HS6ST2: variants seen among roughly 807,000 people sequenced by gnomAD.
HS6ST2 encodes heparan sulfate 6-O-sulfotransferase 2.
Under a neutral mutation model 33.0 loss-of-function variants are expected in HS6ST2, and 17 were observed. The ratio of observed to expected loss-of-function variants is 0.52; its 90% CI spans 0.35 to 0.77. The LOEUF is 0.77. Ranked by LOEUF, HS6ST2 falls within the 30% of genes least tolerant of loss-of-function variation. The pLI, the probability that HS6ST2 is intolerant of heterozygous loss-of-function variation, is 0.01. For missense variants in HS6ST2, 519 were observed against 551.7 expected, an observed-to-expected ratio of 0.94 and a Z score of 0.59; for synonymous variants, 248 against 237.1, an observed-to-expected ratio of 1.05 and a Z score of -0.42.
rs60459374 is a variant in HS6ST2, at chrX:132,709,812, A to AACAC, written c.948-1322_948-1319dup. On this transcript the variant is annotated intron_variant, in intron 2 of 4. Transcript: ENST00000370833. ...AACACAACTTTGGGTGAAAAGACAA[A>AACAC]ACACACACACACACACACACACACA... Among the ~76,000 whole-genome samples the AACAC allele has an allele frequency of 3.9e-3, 360 of 92,190 alleles. 3 individuals carry two copies. The highest frequency in any genetic ancestry group is 0.012 in the Middle Eastern group (2 of 173). 80.1% of individuals were successfully genotyped at this position (92,190 alleles called of 115,157 possible). A position where few individuals can be genotyped will look rare whatever the true frequency, so the allele number is the denominator to read the frequency against.
intron 2 of HS6ST2, among the ~76,000 whole-genome samples, chrX:132,894,123 G>GTT (rs766095383): frequency 8.6e-5 from 8 of 93,149 alleles, no homozygotes; most frequent in African/African-American, 1.2e-4. Flanking sequence ...TGGGTTTCAG[G>GTT]TTTTTTTTTT....
chrX:132,629,148 T>A, intron 4 of HS6ST2, 55 bp from the exon 5 acceptor site: 1 of 1,121,291 alleles, frequency 8.9e-7, no homozygotes. Flanking sequence ...ATAAGTGGAG[T>A]CATGGAGGTA....
intron 2 of HS6ST2, among the ~76,000 whole-genome samples, chrX:132,895,236 G>A (rs1028703539): frequency 1.8e-5 from 2 of 111,641 alleles, no homozygotes; most frequent in East Asian, 2.8e-4. Flanking sequence ...AAGTGTGTTC[G>A]TTAATCTTAC....
At chrX:132,842,680 G>A (rs1437488849) in intron 2 of HS6ST2, among the ~76,000 whole-genome samples, 2 of 111,428 alleles carry the variant, frequency 1.8e-5, no homozygotes, top group African/African-American at 6.5e-5. Context: ...TACTCTCACT[G>A]GTCATCAGTG....
chrX:132,647,041 C>T (rs1306197323), intron 4 of HS6ST2, among the ~76,000 whole-genome samples: 2 of 111,463 alleles, frequency 1.8e-5, no homozygotes, highest in East Asian at 2.8e-4. Flanking sequence ...TTGGGAGCTA[C>T]AATTCAAGAT....
chrX:132,767,719 T>C (rs1459645390), intron 2 of HS6ST2, among the ~76,000 whole-genome samples: 1 of 111,305 alleles, frequency 9.0e-6, no homozygotes, highest in Non-Finnish European at 1.9e-5. Flanking sequence ...TCAACTGCCC[T>C]TTATTGTGCC....
At chrX:132,722,376 A>G (rs997871380) in intron 2 of HS6ST2, among the ~76,000 whole-genome samples, 2 of 111,668 alleles carry the variant, frequency 1.8e-5, no homozygotes, top group African/African-American at 6.5e-5. Context: ...ATAATTTACT[A>G]TTGCAAAGTT....
chrX:132,631,215 A>C (rs1238221740), intron 4 of HS6ST2, among the ~76,000 whole-genome samples: 2 of 111,660 alleles, frequency 1.8e-5, no homozygotes, highest in African/African-American at 6.5e-5. Flanking sequence ...ACTCTGGATA[A>C]TCTTCTAAGT....
At chrX:132,795,850 C>A (rs1322523613) in intron 2 of HS6ST2, among the ~76,000 whole-genome samples, 1 of 111,663 alleles carries the variant, frequency 9.0e-6, no homozygotes, top group African/African-American at 3.3e-5. Flanking sequence ...CTCAAGCAAT[C>A]CGCCCACCTT....
intron 1 of HS6ST2, among the ~76,000 whole-genome samples, chrX:132,957,560 CT>C (rs1164378899): frequency 9.1e-6 from 1 of 110,318 alleles, no homozygotes; most frequent in African/African-American, 3.3e-5. Flanking sequence ...ACCCCGACTC[CT>C]TCCCGCGGGC....
At chrX:132,951,334 A>G (rs2067013714) in intron 2 of HS6ST2, among the ~76,000 whole-genome samples, 3 of 110,759 alleles carry the variant, frequency 2.7e-5, no homozygotes. Context: ...CCAAGCATGA[A>G]CCTTTCGGGT....
chrX:132,639,102 A>G (rs1302874724), intron 4 of HS6ST2, among the ~76,000 whole-genome samples: 4 of 112,496 alleles, frequency 3.6e-5, no homozygotes, highest in Non-Finnish European at 5.6e-5. Flanking sequence ...AAAATAAAGA[A>G]GATTTCTAAT....
At chrX:132,828,827 A>C (rs2065556887) in intron 2 of HS6ST2, among the ~76,000 whole-genome samples, 1 of 102,560 alleles carries the variant, frequency 9.8e-6, no homozygotes. Flanking sequence ...TATGCTGTAC[A>C]TATATTTATA....
chrX:132,728,948 C>T (rs924850747), intron 2 of HS6ST2, among the ~76,000 whole-genome samples: 2 of 112,725 alleles, frequency 1.8e-5, no homozygotes, highest in African/African-American at 3.2e-5. Context: ...AATATTGAAT[C>T]CCCTCCACCT....
intron 2 of HS6ST2, among the ~76,000 whole-genome samples, chrX:132,732,469 C>T (rs761326543): frequency 9.0e-6 from 1 of 111,649 alleles, no homozygotes; most frequent in Admixed American, 9.5e-5. Context: ...TGCTTGATAC[C>T]GTTTGGCCGT....
rs138624506 is a variant in HS6ST2 at position 132,774,883 on chromosome X, G to A, written c.948-66389C>T. Among the ~76,000 whole-genome samples the A allele has an allele frequency of 1.4e-3, 151 of 110,492 alleles. 2 individuals are homozygous for A. The South Asian group carries it at 0.032, about 23-fold the overall frequency. ...TTTAGTAGAGATGGGGTTTCACCAT[G>A]TTGGCCAGGCTGGTCTCGAGCTTCT... On this transcript the variant is annotated intron_variant, in intron 2 of 4. Transcript: ENST00000370833.
At chrX:132,867,332 A>G (rs2065999214) in intron 2 of HS6ST2, among the ~76,000 whole-genome samples, 1 of 107,545 alleles carries the variant, frequency 9.3e-6, no homozygotes, top group African/African-American at 3.5e-5. Context: ...GATGAAGCCC[A>G]CTTGATCATG....
At position 132,749,072 on chromosome X, in the gene HS6ST2, C is replaced by A. The variant is rs1393132538; in HGVS notation, c.948-40578G>T. ...CTCCTCGCTTGGAATAGCCTTCCCA[C>A]CTGACCCAGCTCAAATATCACCTCC... is the stretch of plus-strand genomic sequence containing the variant. On this transcript the variant is annotated intron_variant, in intron 2 of 4. Coordinates refer to ENST00000370833, the MANE Select transcript of HS6ST2 (RefSeq NM_001394073.1). Among the ~76,000 whole-genome samples the A allele has an allele frequency of 2.7e-4, 30 of 112,093 alleles. No homozygotes were observed. In the Admixed American group the frequency reaches 2.8e-3, roughly 11 times the overall value.
At chrX:132,670,776 G>T (rs1443121609) in intron 3 of HS6ST2, among the ~76,000 whole-genome samples, 15 of 112,534 alleles carry the variant, frequency 1.3e-4, no homozygotes, top group Non-Finnish European at 2.6e-4. Context: ...TTGTGCGATT[G>T]CACTCCAGCC....
Sources: allele counts gnomAD v4.1 joint callset (sites outside exome capture counted in the v4.1 genomes callset), GRCh38; gene constraint gnomAD v4.1.1; transcripts MANE v1.5; gene names NCBI Gene and HGNC (gene_info 2026-07-23, HGNC 2026-07-21).